The following INTS3 variants were observed in gnomAD, a reference collection of about 807,000 sequenced individuals.
INTS3 encodes the protein SOSS complex subunit A.
INTS3 carries 34 observed loss-of-function variants against 146.3 expected under a neutral mutation model. The observed-to-expected ratio is 0.23, with a 90% CI of 0.18 to 0.31. INTS3 has a LOEUF of 0.31. INTS3 is among the 10% of genes least tolerant of loss of function. The probability of loss-of-function intolerance (pLI) is 1.00; values close to 1 mark genes in which losing one functional copy is unlikely to be tolerated. For synonymous variants in INTS3, 475 were observed against 494.9 expected (o/e 0.96, Z 0.53); for missense variants, 757 against 1,304.2 (o/e 0.58, Z 6.46).
Position 153,751,099 on chromosome 1 carries a change from T to C in INTS3, c.589T>C (p.Trp197Arg), listed in dbSNP as rs1671941987. Reference protein sequence around the residue: ...VLDILTEQREWVLKSSILIAM... With the variant: ...VLDILTEQRERVLKSSILIAM... ...CAGTGTGTTTCCTCCCTGCAGGGAG[T>C]GGGTCCTGAAGAGCAGCATCCTCAT... Residue 197 changes from tryptophan to arginine, a missense_variant, in exon 7 of 30, where the codon TGG becomes CGG. Around this residue, in one of 8 missense-constraint regions of INTS3, gnomAD observed 134 missense variants for 243.1 expected, o/e 0.55. Coordinates refer to ENST00000318967, the MANE Select transcript of INTS3 (RefSeq NM_023015.5). 6.2e-7 allele frequency: 1 copy of C among 1,613,780 alleles called. No homozygotes were observed. Among genetic ancestry groups the C allele is most frequent in the Admixed American group, 1.7e-5 (1 of 59,970 alleles).
intron 8 of INTS3, 122 bp downstream of exon 8, chr1:153,752,530 C>G: frequency 9.8e-7 from 1 of 1,023,574 alleles, no homozygotes; most frequent in Non-Finnish European, 1.4e-6. Flanking sequence ...TTTAGGAAGC[C>G]TGGGACAGGG....
At chr1:153,759,970 G>C in intron 11 of INTS3, 1 of 489,376 alleles carries the variant, frequency 2.0e-6, no homozygotes. Flanking sequence ...CTGTTTCGGG[G>C]CCTGTCTGCT....
intron 1 of INTS3, among the ~76,000 whole-genome samples, chr1:153,731,263 C>T (rs1671049842): frequency 6.6e-6 from 1 of 152,100 alleles, no homozygotes; most frequent in Non-Finnish European, 1.5e-5. Context: ...TAGGAAAGAC[C>T]TTTAGAGATT....
intron 20 of INTS3, 82 bp from the exon 21 acceptor site, chr1:153,767,592 T>G (rs540905817): frequency 3.2e-5 from 46 of 1,432,698 alleles, no homozygotes; most frequent in Non-Finnish European, 3.9e-5. Context: ...CAAAGCAGTT[T>G]TAGAGCGGGA....
chr1:153,772,372 T>A lies in INTS3; in HGVS notation c.2753T>A (p.Leu918Gln). The A allele has an allele frequency of 6.2e-7, 1 of 1,614,166 alleles. No homozygotes were observed. The highest frequency in any genetic ancestry group is 8.5e-7 in the Non-Finnish European group (1 of 1,180,034). Residue 918 changes from leucine (L) to glutamine (Q), a missense_variant, in exon 27 of 30, where the codon CTG becomes CAG. Around this residue, in one of 8 missense-constraint regions of INTS3, gnomAD observed 125 missense variants for 165.6 expected, o/e 0.75. Transcript: ENST00000318967. The surrounding 1 kb of genome is among the most constrained non-coding windows in gnomAD (Gnocchi z 4.6). ...AGCTCTAGCAGCAAGCTGGCCCAGC[T>A]GACTCTGGAGCAGATCCTGGAGCAC... is the stretch of plus-strand genomic sequence containing the variant. Reference protein sequence around the residue: ...LRSSSSKLAQLTLEQILEHLD... With the variant: ...LRSSSSKLAQQTLEQILEHLD...
At chr1:153,771,985 C>T in intron 26 of INTS3, 22 bp downstream of exon 26, 1 of 1,601,592 alleles carries the variant, frequency 6.2e-7, no homozygotes, top group African/African-American at 1.3e-5. Flanking sequence ...TCCCTGTCTA[C>T]CCTCCAGGCC....
chr1:153,728,137 T>C lies in INTS3; in HGVS notation c.-498T>C, dbSNP rs1463226724. 4 of 385,804 alleles carry C rather than the reference T, an allele frequency of 1.0e-5. No homozygotes were observed. Among genetic ancestry groups the C allele is most frequent in the Non-Finnish European group, 1.8e-5 (4 of 218,832 alleles). 23.9% of individuals were successfully genotyped at this position (385,804 alleles called of 1,614,324 possible). A position where few individuals can be genotyped will look rare whatever the true frequency, so the allele number is the denominator to read the frequency against. On this transcript the variant is annotated 5_prime_UTR_variant, in exon 1 of 30. Coordinates refer to ENST00000318967, the MANE Select transcript of INTS3 (RefSeq NM_023015.5). ...CTCCCCGTCCTCCCATAGCGCTTATTGCCTCACCCTCACCCCCTAGGGGCC... is the reference window on the plus strand; with the variant it reads ...CTCCCCGTCCTCCCATAGCGCTTATCGCCTCACCCTCACCCCCTAGGGGCC...
chr1:153,732,526 A>G (rs1340108177), intron 1 of INTS3, among the ~76,000 whole-genome samples: 1 of 150,914 alleles, frequency 6.6e-6, no homozygotes, highest in African/African-American at 2.4e-5. Context: ...GCTAACTGAA[A>G]CCTCTGCCTC....
chr1:153,759,494 C>G, intron 10 of INTS3, 32 bp from the exon 11 acceptor site: 4 of 1,447,274 alleles, frequency 2.8e-6, no homozygotes, highest in Non-Finnish European at 3.9e-6. Flanking sequence ...ATTGATGAAA[C>G]TAGCCCTCTG....
chr1:153,769,898 G>T, intron 23 of INTS3, 54 bp downstream of exon 23: 1 of 1,265,732 alleles, frequency 7.9e-7, no homozygotes, highest in Admixed American at 1.7e-5. Context: ...CAGGGTGTCA[G>T]TCCTGTGTAT....
intron 20 of INTS3, among the ~76,000 whole-genome samples, chr1:153,765,817 A>C (rs968196109): frequency 2.0e-5 from 3 of 152,070 alleles, no homozygotes; most frequent in Non-Finnish European, 4.4e-5. Context: ...TGATCCACCC[A>C]CCTTGGCCTC....
Position 153,773,268 on chromosome 1 carries a change from T to C in INTS3, c.3127T>C (p.Ter1043ArgextTer18). The part of the protein sequence containing the change: ...GSSAVGSDSD[*>R] The stretch of plus-strand genomic sequence containing the variant: ...CTCTGCAGTGGGCTCTGACAGTGAC[T>C]GAGGCCCTGCATTCCCCATCCCACC... Residue 1043 changes from the stop codon to arginine (R), a stop_lost, in exon 30 of 30, where the codon TGA becomes CGA. Transcript: ENST00000318967. The C allele has an allele frequency of 6.2e-7, 1 of 1,613,520 alleles. No individual in the cohort carries two copies. The highest frequency in any genetic ancestry group is 1.3e-5 in the African/African-American group (1 of 75,016).
chr1:153,754,102 T>C (rs138630484), intron 8 of INTS3, among the ~76,000 whole-genome samples: 2 of 152,120 alleles, frequency 1.3e-5, no homozygotes, highest in East Asian at 1.9e-4. Context: ...TGCTGGTCTT[T>C]TAAATTATTT....
At chr1:153,746,230 A>G (rs1040330688) in intron 3 of INTS3, among the ~76,000 whole-genome samples, 1 of 152,126 alleles carries the variant, frequency 6.6e-6, no homozygotes, top group Non-Finnish European at 1.5e-5. Flanking sequence ...TGGCTTGTTC[A>G]ACCAAACCCA....
chr1:153,769,809 TTA>T lies in INTS3; in HGVS notation c.2356_2357del (p.Met786ValfsTer20). The stretch of plus-strand genomic sequence containing the variant: ...TGCCACGTGATGATGGGTAACCTGG[TTA>T]TGTTTCGAAAAGACTCAGTTCTCAA... On this transcript the variant is annotated frameshift_variant, in exon 23 of 30. Coordinates refer to ENST00000318967, the MANE Select transcript of INTS3 (RefSeq NM_023015.5). LOFTEE classifies it high-confidence loss of function. The T allele has an allele frequency of 1.2e-6, 2 of 1,613,780 alleles. No individual in the cohort carries two copies. Among genetic ancestry groups the T allele is most frequent in the Non-Finnish European group, 8.5e-7 (1 of 1,179,724 alleles).
intron 13 of INTS3, 136 bp downstream of exon 13, chr1:153,761,054 G>T (rs1558004469): frequency 8.2e-6 from 12 of 1,466,716 alleles, no homozygotes; most frequent in Non-Finnish European, 1.1e-5. Context: ...CAGACTGCTG[G>T]GCATATGTCT....
At position 153,757,443 on chromosome 1, in the gene INTS3, G is replaced by A; in HGVS notation, c.958-129G>A. The A allele has an allele frequency of 2.8e-6, 2 of 712,580 alleles. No individual in the cohort carries two copies. The highest frequency in any genetic ancestry group is 2.5e-5 in the East Asian group (1 of 40,102). 44.1% of individuals were successfully genotyped at this position (712,580 alleles called of 1,614,324 possible). On this transcript the variant is annotated intron_variant, in intron 9 of 29. Transcript: ENST00000318967. This position sits in a 1 kb window ranked among gnomAD's most constrained non-coding sequence, Gnocchi z 4.0. Reference sequence around the variant, plus strand: ...GGAGGGGAGACTTACGAGACAGTATGAGCTAATGAATGAATTGTGGAGAAA... The same window carrying A: ...GGAGGGGAGACTTACGAGACAGTATAAGCTAATGAATGAATTGTGGAGAAA...
chr1:153,743,724 T>A (rs1329475588), intron 3 of INTS3, among the ~76,000 whole-genome samples: 1 of 152,128 alleles, frequency 6.6e-6, no homozygotes. Flanking sequence ...GCTGGGGAAC[T>A]GTGGCAAGGA....
intron 1 of INTS3, among the ~76,000 whole-genome samples, 160 bp downstream of exon 1, chr1:153,728,944 A>G (rs906386211): frequency 6.6e-6 from 1 of 152,072 alleles, no homozygotes; most frequent in Non-Finnish European, 1.5e-5. Flanking sequence ...TCCTGAGGGA[A>G]GAAATGTGGG....
Sources: gnomAD v4.1 joint callset for allele counts (sites outside exome capture counted in the v4.1 genomes callset) on GRCh38, gnomAD v4.1.1 for gene constraint, gnomAD v4.1.1 regional missense constraint, Gnocchi (gnomAD v3.1) non-coding constraint, MANE v1.5 for transcripts, NCBI Gene and HGNC (gene_info 2026-07-23, HGNC 2026-07-21) for gene names.